The following FRMD3 variants were observed in gnomAD, a reference collection of about 807,000 sequenced individuals.
The protein encoded by FRMD3 is FERM domain containing 3.
FRMD3 carries 33 observed loss-of-function variants against 70.2 expected under a neutral mutation model. The observed-to-expected ratio is 0.47, with a 90% CI of 0.36 to 0.63. The LOEUF is 0.63. FRMD3 is among the 20% of genes least tolerant of loss of function. The pLI, the probability that FRMD3 is intolerant of heterozygous loss-of-function variation, is 0.00. For missense variants in FRMD3, 632 were observed against 711.4 expected (o/e 0.89, Z 1.27); for synonymous variants, 279 against 255.9 (o/e 1.09, Z -0.86).
intron 1 of FRMD3, among the ~76,000 whole-genome samples, chr9:83,524,671 C>T (rs2131549955): frequency 6.6e-6 from 1 of 152,286 alleles, no homozygotes; most frequent in African/African-American, 2.4e-5. Flanking sequence ...ATACCCCATC[C>T]TAATCTTGCT....
rs182363595 is a variant in FRMD3 at position 83,244,826 on chromosome 9, C to A, written c.*3092G>T. ...TTGTGTTTATAAATATTAGACAAACCACAAAATATATTCCAAATACATAAC... is the reference window on the plus strand; with the variant it reads ...TTGTGTTTATAAATATTAGACAAACAACAAAATATATTCCAAATACATAAC... On this transcript the variant is annotated 3_prime_UTR_variant, in exon 14 of 14. Transcript: ENST00000304195. 1 of 984,722 alleles carries A rather than the reference C, an allele frequency of 1.0e-6. No individual in the cohort carries two copies. The highest frequency in any genetic ancestry group is 6.1e-5 in the Admixed American group (1 of 16,270). 61.0% of individuals were successfully genotyped at this position (984,722 alleles called of 1,614,324 possible). A position where few individuals can be genotyped will look rare whatever the true frequency, so the allele number is the denominator to read the frequency against.
intron 3 of FRMD3, chr9:83,351,085 C>G (rs1371243505): frequency 1.8e-6 from 1 of 550,248 alleles, no homozygotes; most frequent in South Asian, 8.0e-5. Flanking sequence ...CTATTTTACC[C>G]AAATTCATCT....
intron 4 of FRMD3, among the ~76,000 whole-genome samples, chr9:83,345,999 G>A (rs1490395328): frequency 6.6e-6 from 1 of 152,052 alleles, no homozygotes; most frequent in Non-Finnish European, 1.5e-5. Context: ...GCTCACGTCT[G>A]TACTCCCAGC....
chr9:83,354,021 T>C (rs1341472080), intron 3 of FRMD3, among the ~76,000 whole-genome samples: 2 of 151,930 alleles, frequency 1.3e-5, no homozygotes, highest in African/African-American at 2.4e-5. Context: ...GCCTCTTGGG[T>C]TTAAGCAATT....
intron 2 of FRMD3, among the ~76,000 whole-genome samples, chr9:83,383,094 A>C (rs1324588998): frequency 6.6e-5 from 10 of 152,174 alleles, no homozygotes; most frequent in Admixed American, 6.5e-4. Flanking sequence ...ACTACATCAG[A>C]GGGAGAGGAC....
chr9:83,244,777 A>AACTC lies in FRMD3; in HGVS notation c.*3137_*3140dup, dbSNP rs1329762390. ...ATATCTCTAGTATTTCAATGAAATAAACTCATTGTGAATTCACCCCGAGTT... is the reference window on the plus strand; with the variant it reads ...ATATCTCTAGTATTTCAATGAAATAAACTCACTCATTGTGAATTCACCCCGAGTT... On this transcript the variant is annotated 3_prime_UTR_variant, in exon 14 of 14. Coordinates refer to ENST00000304195, the MANE Select transcript of FRMD3 (RefSeq NM_174938.6). The AACTC allele has an allele frequency of 6.1e-6, 6 of 985,280 alleles. No homozygotes were observed. Among genetic ancestry groups the AACTC allele is most frequent in the African/African-American group, 5.2e-5 (3 of 57,250 alleles). 61.0% of individuals were successfully genotyped at this position (985,280 alleles called of 1,614,324 possible).
chr9:83,561,763 C>A, the FRMD3 span, among the ~76,000 whole-genome samples: 7 of 152,146 alleles, frequency 4.6e-5, no homozygotes, highest in Non-Finnish European at 1.0e-4. Context: ...AAAACCCTGA[C>A]ATGAATAGGG....
At chr9:83,436,098 C>T (rs546986658) in intron 1 of FRMD3, among the ~76,000 whole-genome samples, 3 of 152,164 alleles carry the variant, frequency 2.0e-5, no homozygotes, top group Non-Finnish European at 2.9e-5. Flanking sequence ...ATTCTCTCTA[C>T]CCACAGTCCT....
At chr9:83,497,820 G>A (rs553847397) in intron 1 of FRMD3, among the ~76,000 whole-genome samples, 1 of 152,216 alleles carries the variant, frequency 6.6e-6, no homozygotes, top group Non-Finnish European at 1.5e-5. Context: ...TGCATCAGAG[G>A]AGACTTTGGG....
At chr9:83,465,055 G>T (rs1371557407) in intron 1 of FRMD3, among the ~76,000 whole-genome samples, 1 of 145,472 alleles carries the variant, frequency 6.9e-6, no homozygotes, top group African/African-American at 2.5e-5. Flanking sequence ...AGAAGCAGCA[G>T]CTTAATGAGA....
At chr9:83,344,826 T>A (rs1198428500) in intron 4 of FRMD3, among the ~76,000 whole-genome samples, 3 of 117,478 alleles carry the variant, frequency 2.6e-5, no homozygotes, top group Admixed American at 1.7e-4. Flanking sequence ...CATGTGTGAG[T>A]GTGTGTGTGT....
chr9:83,388,496 C>A (rs867965000), intron 2 of FRMD3, among the ~76,000 whole-genome samples: 1 of 152,154 alleles, frequency 6.6e-6, no homozygotes, highest in African/African-American at 2.4e-5. Context: ...AACTCTGAGC[C>A]CATGGCTGGG....
chr9:83,383,752 G>A (rs1397105556), intron 2 of FRMD3, among the ~76,000 whole-genome samples: 1 of 152,192 alleles, frequency 6.6e-6, no homozygotes, highest in Non-Finnish European at 1.5e-5. Context: ...CATTTTCCCA[G>A]CCCCTGCCTT....
chr9:83,391,717 A>C (rs987409037), intron 1 of FRMD3, among the ~76,000 whole-genome samples: 1 of 152,222 alleles, frequency 6.6e-6, no homozygotes, highest in Non-Finnish European at 1.5e-5. Flanking sequence ...ATGCTGCTGC[A>C]GACAACGCAG....
chr9:83,530,348 C>A (rs1829768733), intron 1 of FRMD3, among the ~76,000 whole-genome samples: 1 of 152,098 alleles, frequency 6.6e-6, no homozygotes, highest in Non-Finnish European at 1.5e-5. Flanking sequence ...TATGGATAAA[C>A]CTTGAAAACA....
At chr9:83,469,812 AGT>A (rs1418113805) in intron 1 of FRMD3, among the ~76,000 whole-genome samples, 6 of 152,234 alleles carry the variant, frequency 3.9e-5, no homozygotes, top group African/African-American at 4.8e-5. Flanking sequence ...TCATGCAGCC[AGT>A]GTCTTCTCAC....
intron 1 of FRMD3, among the ~76,000 whole-genome samples, chr9:83,524,466 T>C (rs1829644593): frequency 6.6e-6 from 1 of 152,206 alleles, no homozygotes; most frequent in Non-Finnish European, 1.5e-5. Flanking sequence ...TTAGACTGTG[T>C]CCTTGGATGA....
At chr9:83,452,481 T>TC (rs397697942) in intron 1 of FRMD3, among the ~76,000 whole-genome samples, 1 of 137,888 alleles carries the variant, frequency 7.3e-6, no homozygotes, top group African/African-American at 2.6e-5. Context: ...TTGTTTTTTT[T>TC]GTTGTTGTTG....
chr9:83,437,938 G>A (rs1222636686), intron 1 of FRMD3, among the ~76,000 whole-genome samples: 1 of 152,114 alleles, frequency 6.6e-6, no homozygotes, highest in Non-Finnish European at 1.5e-5. Context: ...AGAGAGTGCA[G>A]GATAAAAAGA....
Sources: gnomAD v4.1 joint callset for allele counts (sites outside exome capture counted in the v4.1 genomes callset) on GRCh38, gnomAD v4.1.1 for gene constraint, MANE v1.5 for transcripts, NCBI Gene and HGNC (gene_info 2026-07-23, HGNC 2026-07-21) for gene names.